STARD13: variants seen among roughly 807,000 people sequenced by gnomAD.
STARD13 encodes stAR-related lipid transfer protein 13.
A neutral mutation model predicts 106.4 loss-of-function variants in STARD13; 62 were observed. The observed-to-expected ratio is 0.58, with a 90% CI of 0.48 to 0.72. The LOEUF is 0.72. Among genes scored for constraint, STARD13 ranks in the 30% least tolerant of loss-of-function variants. The pLI, the probability that STARD13 is intolerant of heterozygous loss-of-function variation, is 0.00. For missense variants in STARD13, 1,387 were observed against 1,424.0 expected, an observed-to-expected ratio of 0.97 and a Z score of 0.42; for synonymous variants, 565 against 553.0, an observed-to-expected ratio of 1.02 and a Z score of -0.31.
the STARD13 span, among the ~76,000 whole-genome samples, chr13:33,438,088 A>G: frequency 2.6e-5 from 4 of 152,234 alleles, no homozygotes; most frequent in Non-Finnish European, 5.9e-5. Context: ...CCCAGAAGTC[A>G]ACTACGGTTG....
chr13:33,290,253 G>A (rs924851797), upstream of STARD13, among the ~76,000 whole-genome samples: 2 of 152,236 alleles, frequency 1.3e-5, no homozygotes, highest in Admixed American at 6.5e-5. Context: ...TGCCAACTGG[G>A]AAAATGTTTG....
chr13:33,578,907 G>A, the STARD13 span, among the ~76,000 whole-genome samples: 18,248 of 151,932 alleles, frequency 0.12, 1,527 homozygotes, highest in East Asian at 0.28. Flanking sequence ...AATGCTCAGC[G>A]TCACTAATCA....
the STARD13 span, among the ~76,000 whole-genome samples, chr13:33,606,983 T>A: frequency 6.6e-6 from 1 of 152,246 alleles, no homozygotes; most frequent in Non-Finnish European, 1.5e-5. Flanking sequence ...TCTCTTTGTT[T>A]AAGGTCAGCT....
At chr13:33,579,365 C>T in the STARD13 span, among the ~76,000 whole-genome samples, 1 of 151,868 alleles carries the variant, frequency 6.6e-6, no homozygotes, top group East Asian at 1.9e-4. Flanking sequence ...GAGCTGGAGG[C>T]CATTATTCTA....
rs1448091747 is a variant in STARD13 at position 33,127,536 on chromosome 13, A to G, written c.1759T>C (p.Trp587Arg). The G allele has an allele frequency of 2.6e-6, 4 of 1,546,544 alleles. No individual in the cohort carries two copies. The Admixed American group carries it at 7.9e-5, about 31-fold the overall frequency. The change falls in exon 6 of 14, where the codon TGG becomes CGG. Residue 587 changes from tryptophan to arginine, a missense_variant. Trp to Arg is a moderately radical substitution (Grantham distance 101, BLOSUM62 -3). Transcript: ENST00000336934. ...SLTRPNRRLRWNSFQLSHQPR... is the reference protein window; with the variant it reads ...SLTRPNRRLRRNSFQLSHQPR... The stretch of plus-strand genomic sequence containing the variant: ...TGGTGCGACAGCTGGAAACTGTTCC[A>G]TCGGAGTCGCCTTTACCAGAGAGAC...
the STARD13 span, among the ~76,000 whole-genome samples, chr13:33,573,252 C>T: frequency 1.3e-5 from 2 of 152,020 alleles, no homozygotes; most frequent in Non-Finnish European, 2.9e-5. Context: ...TAATTGATAT[C>T]TATATAGAAA....
At chr13:33,422,669 G>C in the STARD13 span, among the ~76,000 whole-genome samples, 1 of 152,150 alleles carries the variant, frequency 6.6e-6, no homozygotes, top group Non-Finnish European at 1.5e-5. Flanking sequence ...AAAGCTGGAG[G>C]CATCATGCTA....
the STARD13 span, among the ~76,000 whole-genome samples, chr13:33,533,153 G>T: frequency 6.6e-6 from 1 of 152,204 alleles, no homozygotes; most frequent in Non-Finnish European, 1.5e-5. Flanking sequence ...GCCAGTTCCA[G>T]ATTGTCAGAG....
At chr13:33,170,638 A>ACTCATAG (rs1466546059) in intron 1 of STARD13, among the ~76,000 whole-genome samples, 4 of 152,206 alleles carry the variant, frequency 2.6e-5, no homozygotes, top group Non-Finnish European at 5.9e-5. Context: ...ATCATAAATT[A>ACTCATAG]GAAGCAGCCC....
the STARD13 span, among the ~76,000 whole-genome samples, chr13:33,477,850 T>C: frequency 6.6e-6 from 1 of 152,172 alleles, no homozygotes; most frequent in Non-Finnish European, 1.5e-5. Flanking sequence ...CTCCAAGTCT[T>C]AACAATTGAG....
At chr13:33,256,888 T>G (rs1306711705) in intron 1 of STARD13, among the ~76,000 whole-genome samples, 4 of 152,320 alleles carry the variant, frequency 2.6e-5, no homozygotes, top group Admixed American at 6.5e-5. Context: ...TGAACCACAA[T>G]GTTTGCAGTG....
At chr13:33,174,872 G>C (rs187722013) in intron 1 of STARD13, among the ~76,000 whole-genome samples, 1 of 152,258 alleles carries the variant, frequency 6.6e-6, no homozygotes, top group African/African-American at 2.4e-5. Context: ...TCTCTGCCTA[G>C]AGTGCATGAT....
At chr13:33,356,856 C>T in the STARD13 span, among the ~76,000 whole-genome samples, 18 of 152,164 alleles carry the variant, frequency 1.2e-4, no homozygotes, top group Non-Finnish European at 1.8e-4. Flanking sequence ...GTGGGAGGTA[C>T]GAGAATAGGA....
the STARD13 span, among the ~76,000 whole-genome samples, chr13:33,381,997 A>G: frequency 6.6e-6 from 1 of 152,184 alleles, no homozygotes; most frequent in African/African-American, 2.4e-5. Context: ...CCATGGCCAC[A>G]AAGGATGGGA....
chr13:33,135,471 A>T (rs1163301397), intron 4 of STARD13, among the ~76,000 whole-genome samples: 4 of 152,224 alleles, frequency 2.6e-5, no homozygotes, highest in Non-Finnish European at 2.9e-5. Flanking sequence ...ATTCAAGGTT[A>T]GTTTGCTTAC....
At chr13:33,513,110 A>G in the STARD13 span, among the ~76,000 whole-genome samples, 6 of 152,212 alleles carry the variant, frequency 3.9e-5, no homozygotes, top group Non-Finnish European at 7.3e-5. Context: ...CTCAAAGCCT[A>G]AAATATTTAC....
chr13:33,428,575 T>C, the STARD13 span, among the ~76,000 whole-genome samples: 2 of 152,026 alleles, frequency 1.3e-5, no homozygotes, highest in African/African-American at 4.8e-5. Flanking sequence ...TGCTTAACAT[T>C]GCTAATCATC....
intron 3 of STARD13, among the ~76,000 whole-genome samples, chr13:33,145,212 A>G (rs953937947): frequency 6.6e-6 from 1 of 152,252 alleles, no homozygotes; most frequent in African/African-American, 2.4e-5. Flanking sequence ...TCAAATGGGC[A>G]GAATATTCAA....
At chr13:33,588,608 T>C in the STARD13 span, among the ~76,000 whole-genome samples, 1 of 152,202 alleles carries the variant, frequency 6.6e-6, no homozygotes, top group Non-Finnish European at 1.5e-5. Flanking sequence ...AGAAGGTGAC[T>C]GTTTCTTTTT....
Sources: allele counts gnomAD v4.1 joint callset (sites outside exome capture counted in the v4.1 genomes callset), GRCh38; gene constraint gnomAD v4.1.1; transcripts MANE v1.5; gene names NCBI Gene and HGNC (gene_info 2026-07-23, HGNC 2026-07-21).